GATB: variants seen among roughly 807,000 people sequenced by gnomAD.
The protein encoded by GATB is glutamyl-tRNA(Gln) amidotransferase subunit B, mitochondrial.
A neutral mutation model predicts 62.3 loss-of-function variants in GATB; 39 were observed. The observed-to-expected ratio is 0.63, with a 90% CI of 0.48 to 0.82. The LOEUF is 0.82. Among genes scored for constraint, GATB ranks in the 40% least tolerant of loss-of-function variants. The pLI is 0.00. For missense variants in GATB, 670 were observed against 684.0 expected (o/e 0.98, Z 0.23); for synonymous variants, 276 against 258.9 (o/e 1.07, Z -0.63).
intron 9 of GATB, among the ~76,000 whole-genome samples, chr4:151,696,961 A>G (rs954985517): frequency 6.6e-6 from 1 of 152,246 alleles, no homozygotes; most frequent in East Asian, 1.9e-4. Context: ...TTTCAGCTTC[A>G]ACATTTCTAT....
intron 2 of GATB, among the ~76,000 whole-genome samples, chr4:151,756,317 C>T (rs1441720264): frequency 2.0e-5 from 3 of 152,188 alleles, no homozygotes; most frequent in Non-Finnish European, 4.4e-5. Flanking sequence ...GCTATCAGAG[C>T]ATGTTTATAC....
At chr4:151,701,651 T>C in intron 8 of GATB, 133 bp from the exon 9 acceptor site, 3 of 636,240 alleles carry the variant, frequency 4.7e-6, no homozygotes, top group Non-Finnish European at 7.0e-6. Flanking sequence ...AATGTCCTAT[T>C]ACGTCAATTC....
chr4:151,728,163 T>C (rs1214416436), intron 2 of GATB, among the ~76,000 whole-genome samples: 1 of 152,196 alleles, frequency 6.6e-6, no homozygotes, highest in Non-Finnish European at 1.5e-5. Context: ...CTGGATAACC[T>C]TGTATGCCTT....
intron 5 of GATB, among the ~76,000 whole-genome samples, chr4:151,715,063 C>T (rs1268792871): frequency 6.6e-6 from 1 of 152,170 alleles, no homozygotes; most frequent in Admixed American, 6.5e-5. Flanking sequence ...CCAGAAGTCC[C>T]CCTGTAACAT....
At chr4:151,682,635 G>A (rs1289061965) in intron 10 of GATB, among the ~76,000 whole-genome samples, 1 of 151,926 alleles carries the variant, frequency 6.6e-6, no homozygotes, top group African/African-American at 2.4e-5. Flanking sequence ...CAGGATCACA[G>A]CTCCATCTCC....
At chr4:151,731,121 C>T in intron 2 of GATB, among the ~76,000 whole-genome samples, 1 of 151,058 alleles carries the variant, frequency 6.6e-6, no homozygotes, top group South Asian at 2.1e-4. Context: ...CCCCCTCTCC[C>T]CACGGTCTCC....
chr4:151,725,665 AAAG>A (rs1422387888), intron 2 of GATB, among the ~76,000 whole-genome samples: 4 of 152,380 alleles, frequency 2.6e-5, no homozygotes, highest in Non-Finnish European at 5.9e-5. Context: ...TTAACAGAAT[AAAG>A]AAGATTATAT....
At chr4:151,758,642 C>A in intron 2 of GATB, 130 bp downstream of exon 2, 1 of 737,980 alleles carries the variant, frequency 1.4e-6, no homozygotes. Context: ...ATATATCCCG[C>A]TTCACCCAAA....
At chr4:151,691,288 G>C (rs1384863578) in intron 9 of GATB, among the ~76,000 whole-genome samples, 1 of 152,194 alleles carries the variant, frequency 6.6e-6, no homozygotes, top group Non-Finnish European at 1.5e-5. Flanking sequence ...GCGACACAGA[G>C]AGTCAAGTTC....
At chr4:151,691,479 G>A (rs1260700791) in intron 9 of GATB, among the ~76,000 whole-genome samples, 7 of 152,102 alleles carry the variant, frequency 4.6e-5, no homozygotes, top group South Asian at 2.1e-4. Context: ...TGCTGGCTCC[G>A]CCTCTCAGAC....
intron 2 of GATB, among the ~76,000 whole-genome samples, chr4:151,751,027 T>C (rs1739712092): frequency 6.6e-6 from 1 of 151,906 alleles, no homozygotes; most frequent in African/African-American, 2.4e-5. Flanking sequence ...ATAAAGTCAG[T>C]TAGAAAAAAG....
chr4:151,741,451 C>T (rs1739483287), intron 2 of GATB, among the ~76,000 whole-genome samples: 1 of 152,188 alleles, frequency 6.6e-6, no homozygotes, highest in South Asian at 2.1e-4. Flanking sequence ...CATCCATGTG[C>T]ATATTTTTGA....
chr4:151,673,047 A>AG, intron 11 of GATB, 151 bp from the exon 12 acceptor site: 1 of 940,646 alleles, frequency 1.1e-6, no homozygotes, highest in Non-Finnish European at 1.6e-6. Flanking sequence ...GGGAAAGGGC[A>AG]CCTGGCTGCC....
intron 9 of GATB, among the ~76,000 whole-genome samples, chr4:151,693,093 G>A (rs900255618): frequency 2.6e-4 from 40 of 152,172 alleles, no homozygotes; most frequent in African/African-American, 9.2e-4. Context: ...GCGTATCAAC[G>A]CAGGCACTGC....
intron 2 of GATB, among the ~76,000 whole-genome samples, chr4:151,740,574 T>C (rs1442616533): frequency 6.6e-6 from 1 of 152,208 alleles, no homozygotes; most frequent in African/African-American, 2.4e-5. Context: ...ATCATATATG[T>C]AGTCTGTTGT....
In GATB at chr4:151,671,205, T is replaced by C. The variant is rs1737851228; in HGVS notation, c.1643A>G (p.Lys548Arg). ...TQSRADPVMI[K>R]EILEKKLSL ...TGACAGCTTCTTCTCCAGGATCTCC[T>C]TTATCATGACTGGATCTGCTCGGCT... The change falls in exon 13 of 13, where the codon AAG (lysine) becomes AGG (arginine). Residue 548 changes from lysine to arginine, a missense_variant. Transcript: ENST00000263985. 6.2e-7 allele frequency: 1 copy of C among 1,614,066 alleles called. No homozygotes were observed. The highest frequency in any genetic ancestry group is 8.5e-7 in the Non-Finnish European group (1 of 1,180,046).
chr4:151,678,044 G>A (rs1467730267), intron 11 of GATB, among the ~76,000 whole-genome samples: 1 of 151,224 alleles, frequency 6.6e-6, no homozygotes, highest in Middle Eastern at 3.2e-3. Flanking sequence ...ATTTTTTTAT[G>A]ATCAACATAT....
intron 10 of GATB, among the ~76,000 whole-genome samples, chr4:151,681,541 T>C (rs1365232983): frequency 1.3e-5 from 2 of 152,168 alleles, no homozygotes; most frequent in Non-Finnish European, 2.9e-5. Context: ...GAAAATACCA[T>C]GGCCCATTAT....
intron 2 of GATB, chr4:151,720,816 C>A (rs553619025): frequency 1.1e-4 from 16 of 152,338 alleles, no homozygotes; most frequent in African/African-American, 3.8e-4. Flanking sequence ...AACAGAACTT[C>A]TGTGGTTCAG....
Sources: gnomAD v4.1 joint callset for allele counts (sites outside exome capture counted in the v4.1 genomes callset) on GRCh38, gnomAD v4.1.1 for gene constraint, MANE v1.5 for transcripts, NCBI Gene and HGNC (gene_info 2026-07-23, HGNC 2026-07-21) for gene names.